Variants in CTNNA2 observed in about 807,000 individuals in gnomAD.
CTNNA2 encodes the protein catenin alpha 2, also known as catenin alpha-2.
Under a neutral mutation model 101.0 loss-of-function variants are expected in CTNNA2, and 42 were observed. The observed-to-expected ratio is 0.42, with a 90% CI of 0.32 to 0.54. The LOEUF is 0.54. Among genes scored for constraint, CTNNA2 ranks in the 20% least tolerant of loss-of-function variants. CTNNA2 has a pLI of 0.14. For synonymous variants in CTNNA2, 450 were observed against 456.4 expected (o/e 0.99, Z 0.18); for missense variants, 871 against 1,223.1 (o/e 0.71, Z 4.29).
chr2:80,647,223 C>T (rs1396924610), intron 18 of CTNNA2, among the ~76,000 whole-genome samples: 2 of 152,076 alleles, frequency 1.3e-5, no homozygotes, highest in East Asian at 3.9e-4. Context: ...ATAGATACTT[C>T]CATTTCTTGG....
chr2:80,480,969 T>C (rs1686098143), intron 9 of CTNNA2, among the ~76,000 whole-genome samples: 1 of 152,152 alleles, frequency 6.6e-6, no homozygotes. Flanking sequence ...GAGTGAAATG[T>C]ATTTTCTAGC....
chr2:79,855,450 G>T (rs573749135), intron 3 of CTNNA2, among the ~76,000 whole-genome samples: 1 of 152,194 alleles, frequency 6.6e-6, no homozygotes, highest in Non-Finnish European at 1.5e-5. Flanking sequence ...CAGATGGAAG[G>T]AGTCGTTCTA....
chr2:80,221,620 T>G (rs1708581071), intron 7 of CTNNA2, among the ~76,000 whole-genome samples: 1 of 152,228 alleles, frequency 6.6e-6, no homozygotes, highest in Admixed American at 6.5e-5. Flanking sequence ...GCATTCAGCT[T>G]CCTTTCTTCC....
intron 4 of CTNNA2, among the ~76,000 whole-genome samples, chr2:79,381,925 T>C (rs1312744138): frequency 6.6e-6 from 1 of 152,224 alleles, no homozygotes; most frequent in Non-Finnish European, 1.5e-5. Context: ...GACTGCGTGA[T>C]TGCTAATTTA....
intron 7 of CTNNA2, among the ~76,000 whole-genome samples, chr2:80,213,580 A>C (rs1224032458): frequency 2.0e-5 from 3 of 152,142 alleles, no homozygotes; most frequent in Non-Finnish European, 4.4e-5. Flanking sequence ...TCTGAGAGAC[A>C]GTTTGTTATA....
At chr2:79,924,040 A>G (rs571527952) in intron 7 of CTNNA2, among the ~76,000 whole-genome samples, 11 of 152,258 alleles carry the variant, frequency 7.2e-5, no homozygotes, top group African/African-American at 2.6e-4. Flanking sequence ...ATTATTCACA[A>G]CAGTCAAGAT....
At chr2:80,260,720 A>G (rs1256473655) in intron 7 of CTNNA2, among the ~76,000 whole-genome samples, 1 of 152,222 alleles carries the variant, frequency 6.6e-6, no homozygotes, top group East Asian at 1.9e-4. Flanking sequence ...TTTGTAAAAT[A>G]GCAAAGAGCA....
At chr2:80,202,483 C>T (rs899833840) in intron 7 of CTNNA2, among the ~76,000 whole-genome samples, 24 of 152,114 alleles carry the variant, frequency 1.6e-4, no homozygotes, top group African/African-American at 5.8e-4. Flanking sequence ...ATTGACCATA[C>T]CATAGGTAGA....
chr2:79,603,849 G>A (rs545338467), intron 1 of CTNNA2, among the ~76,000 whole-genome samples: 1 of 152,280 alleles, frequency 6.6e-6, no homozygotes, highest in South Asian at 2.1e-4. Context: ...TACCCCACAA[G>A]TTTGTCCTGA....
At chr2:79,290,179 C>CA (rs1418540371) in intron 2 of CTNNA2, among the ~76,000 whole-genome samples, 16 of 151,960 alleles carry the variant, frequency 1.1e-4, no homozygotes, top group Non-Finnish European at 2.1e-4. Flanking sequence ...AGTATCAAAC[C>CA]AAAAAAATCT....
chr2:80,089,157 A>T (rs1249417937), intron 7 of CTNNA2, among the ~76,000 whole-genome samples: 1 of 151,918 alleles, frequency 6.6e-6, no homozygotes, highest in Admixed American at 6.6e-5. Context: ...GTTTTTCTGA[A>T]CCTAATTTTC....
intron 7 of CTNNA2, among the ~76,000 whole-genome samples, chr2:80,282,434 G>T (rs1048679482): frequency 3.3e-5 from 5 of 151,860 alleles, no homozygotes; most frequent in Admixed American, 6.6e-5. Flanking sequence ...CTTAGTTTTG[G>T]TAACATAGTA....
chr2:80,326,824 C>T lies in CTNNA2; in HGVS notation c.1057-66387C>T, dbSNP rs537210969. Among the ~76,000 whole-genome samples, 12 of 152,242 alleles carry T rather than the reference C, an allele frequency of 7.9e-5. No homozygotes were observed. The South Asian group carries it at 2.5e-3, about 32-fold the overall frequency. On this transcript the variant is annotated intron_variant, in intron 7 of 18. Transcript: ENST00000402739. Reference sequence around the variant, plus strand: ...TGAGTTACTGGCTAAAAAAAAAGAGCAGTGTCAGATTTCTCATACACTGTG... The same window carrying T: ...TGAGTTACTGGCTAAAAAAAAAGAGTAGTGTCAGATTTCTCATACACTGTG...
In CTNNA2 at chr2:79,362,467, T is replaced by G. The variant is rs891079503; in HGVS notation, c.-317-11364T>G. ...TTCCATGGTCAAGTATTAGCAAAAGTGGACCAAGGGGCTACACTGGTAGCA... is the reference window on the plus strand; with the variant it reads ...TTCCATGGTCAAGTATTAGCAAAAGGGGACCAAGGGGCTACACTGGTAGCA... On this transcript the variant is annotated intron_variant, in intron 3 of 21. Transcript: ENST00000466387. Among the ~76,000 whole-genome samples the G allele has an allele frequency of 5.9e-5, 9 of 152,244 alleles. No individual in the cohort carries two copies. In the East Asian group the frequency reaches 1.5e-3, roughly 26 times the overall value.
intron 1 of CTNNA2, among the ~76,000 whole-genome samples, chr2:79,197,148 G>T (rs889172485): frequency 6.6e-6 from 1 of 152,138 alleles, no homozygotes; most frequent in African/African-American, 2.4e-5. Context: ...CTCAAATCCA[G>T]AGATATGCAC....
chr2:79,790,675 A>G (rs1227061605), intron 3 of CTNNA2, among the ~76,000 whole-genome samples: 3 of 152,156 alleles, frequency 2.0e-5, no homozygotes, highest in Non-Finnish European at 4.4e-5. Context: ...TGTAAGTAGA[A>G]TTATCAGTTG....
chr2:79,968,006 T>C (rs1166843832), intron 7 of CTNNA2, among the ~76,000 whole-genome samples: 1 of 152,100 alleles, frequency 6.6e-6, no homozygotes, highest in Non-Finnish European at 1.5e-5. Context: ...AATTGGCAAA[T>C]CTATAGAGAA....
intron 1 of CTNNA2, among the ~76,000 whole-genome samples, chr2:79,552,677 C>T (rs1326494416): frequency 6.6e-6 from 1 of 152,230 alleles, no homozygotes; most frequent in Non-Finnish European, 1.5e-5. Context: ...TCTGCACACC[C>T]TGAGGCTTAA....
intron 7 of CTNNA2, among the ~76,000 whole-genome samples, chr2:80,353,911 A>C (rs73938280): frequency 0.011 from 1,668 of 152,294 alleles, 35 homozygotes; most frequent in African/African-American, 0.037. Context: ...TATGAAAAAA[A>C]TAAAACAAAA....
Sources: allele counts gnomAD v4.1 joint callset (sites outside exome capture counted in the v4.1 genomes callset), GRCh38; gene constraint gnomAD v4.1.1; transcripts MANE v1.5; gene names NCBI Gene and HGNC (gene_info 2026-07-23, HGNC 2026-07-21).